The following CSMD3 variants were observed in gnomAD, a reference collection of about 807,000 sequenced individuals.
CSMD3 encodes the protein CUB and Sushi multiple domains 3.
CSMD3 carries 177 observed loss-of-function variants against 435.2 expected under a neutral mutation model. The ratio of observed to expected loss-of-function variants is 0.41; its 90% CI spans 0.36 to 0.46. CSMD3 has a LOEUF of 0.46. Among genes scored for constraint, CSMD3 ranks in the 20% least tolerant of loss-of-function variants. CSMD3 has a pLI of 0.34. For missense variants in CSMD3, 4,265 were observed against 4,504.6 expected (o/e 0.95, Z 1.52); for synonymous variants, 1,656 against 1,520.5 (o/e 1.09, Z -2.07).
rs577167358 is a variant in CSMD3 at position 112,958,266 on chromosome 8, G to T, written c.1343-3505C>A. 1.1e-4 allele frequency among the ~76,000 whole-genome samples: 16 copies of T among 152,184 alleles called. No individual in the cohort carries two copies. The South Asian group carries it at 3.1e-3, about 30-fold the overall frequency. Reference sequence around the variant, plus strand: ...CAAGATTGATAGGCATATGCACAAAGATTCATTTTCTTTTCTTTCATATGC... The same window carrying T: ...CAAGATTGATAGGCATATGCACAAATATTCATTTTCTTTTCTTTCATATGC... On this transcript the variant is annotated intron_variant, in intron 7 of 70. Coordinates refer to ENST00000297405, the MANE Select transcript of CSMD3 (RefSeq NM_198123.2).
chr8:112,521,830 T>TA (rs1397470126), intron 27 of CSMD3, among the ~76,000 whole-genome samples: 2 of 151,876 alleles, frequency 1.3e-5, no homozygotes, highest in African/African-American at 2.4e-5. Flanking sequence ...AGTAAAAATG[T>TA]AAAAAATAAG....
intron 22 of CSMD3, among the ~76,000 whole-genome samples, chr8:112,616,874 T>A (rs908464778): frequency 2.0e-5 from 3 of 152,160 alleles, no homozygotes; most frequent in Admixed American, 6.6e-5. Flanking sequence ...TTTTAAAGGC[T>A]TATATAGAAG....
chr8:112,467,846 G>A (rs1818115957), intron 32 of CSMD3, among the ~76,000 whole-genome samples: 1 of 152,112 alleles, frequency 6.6e-6, no homozygotes, highest in Admixed American at 6.6e-5. Context: ...CCAGAAACTA[G>A]GAAGAAGCAA....
At chr8:112,988,765 C>T (rs2085343748) in intron 6 of CSMD3, among the ~76,000 whole-genome samples, 1 of 151,996 alleles carries the variant, frequency 6.6e-6, no homozygotes, top group African/African-American at 2.4e-5. Flanking sequence ...AGGACATTTA[C>T]ACCAGAGACT....
At chr8:112,708,980 T>A (rs2076555651) in intron 13 of CSMD3, among the ~76,000 whole-genome samples, 1 of 152,036 alleles carries the variant, frequency 6.6e-6, no homozygotes, top group Non-Finnish European at 1.5e-5. Context: ...AATAAAGTTT[T>A]CCCATTCTCT....
intron 57 of CSMD3, among the ~76,000 whole-genome samples, 183 bp from the exon 58 acceptor site, chr8:112,287,429 G>T (rs1586659394): frequency 6.6e-6 from 1 of 151,886 alleles, no homozygotes; most frequent in Non-Finnish European, 1.5e-5. Flanking sequence ...AAATGAAAAA[G>T]AAAATAGTTG....
intron 31 of CSMD3, among the ~76,000 whole-genome samples, chr8:112,491,237 A>AC (rs1399471012): frequency 6.6e-6 from 1 of 152,190 alleles, no homozygotes; most frequent in Non-Finnish European, 1.5e-5. Flanking sequence ...AATAGTAAAA[A>AC]ATGCAATTTA....
At chr8:112,957,902 C>T (rs1304240222) in intron 7 of CSMD3, among the ~76,000 whole-genome samples, 2 of 151,718 alleles carry the variant, frequency 1.3e-5, no homozygotes, top group South Asian at 2.1e-4. Flanking sequence ...CGCACCACCG[C>T]GCCCAGATAT....
In CSMD3 at chr8:113,122,815, G is replaced by GT. The variant is rs2091021997; in HGVS notation, c.710-23853_710-23852insA. Among the ~76,000 whole-genome samples, 3 of 152,138 alleles carry GT rather than the reference G, an allele frequency of 2.0e-5. No homozygotes were observed. The South Asian group carries it at 6.2e-4, about 32-fold the overall frequency. ...GTAAGATAAGTTTTTGTTGTTTTAA[G>GT]ACACTGTATTTGTGGTAATTTGTTA... On this transcript the variant is annotated intron_variant, in intron 4 of 70. Transcript: ENST00000297405.
chr8:112,990,341 T>A (rs1410016184), intron 6 of CSMD3, among the ~76,000 whole-genome samples: 2 of 151,976 alleles, frequency 1.3e-5, no homozygotes, highest in Non-Finnish European at 2.9e-5. Context: ...CAAAAAAGCA[T>A]CTTGCCAACA....
At chr8:113,246,402 A>G (rs1403690919) in intron 3 of CSMD3, among the ~76,000 whole-genome samples, 1 of 152,050 alleles carries the variant, frequency 6.6e-6, no homozygotes, top group Admixed American at 6.6e-5. Flanking sequence ...TTTCAACTCT[A>G]GAATTTCTAT....
At chr8:112,631,074 A>T (rs2074502066) in intron 22 of CSMD3, among the ~76,000 whole-genome samples, 1 of 152,024 alleles carries the variant, frequency 6.6e-6, no homozygotes, top group Admixed American at 6.6e-5. Context: ...CCAGGATGAA[A>T]AATTAGAGAA....
chr8:112,541,721 C>G (rs922132669), intron 27 of CSMD3, among the ~76,000 whole-genome samples: 5 of 151,702 alleles, frequency 3.3e-5, no homozygotes, highest in Non-Finnish European at 5.9e-5. Context: ...CCACCAACCC[C>G]CGCAAATTGA....
chr8:113,385,702 G>A (rs1014292502), intron 1 of CSMD3, among the ~76,000 whole-genome samples: 1 of 152,052 alleles, frequency 6.6e-6, no homozygotes, highest in African/African-American at 2.4e-5. Context: ...ATGGAAGAGG[G>A]TAAAATCTCC....
At chr8:112,226,989 CT>C (rs1313734535) in intron 70 of CSMD3, among the ~76,000 whole-genome samples, 1 of 152,164 alleles carries the variant, frequency 6.6e-6, no homozygotes, top group Non-Finnish European at 1.5e-5. Flanking sequence ...GAAAATGCTG[CT>C]GCTGCTGTAC....
intron 1 of CSMD3, among the ~76,000 whole-genome samples, chr8:113,363,861 T>A (rs1179213214): frequency 6.6e-6 from 1 of 152,152 alleles, no homozygotes; most frequent in Non-Finnish European, 1.5e-5. Flanking sequence ...GATCAGAATG[T>A]TTTTAATTTT....
chr8:112,853,603 T>C (rs1397234913), intron 11 of CSMD3, among the ~76,000 whole-genome samples: 1 of 152,222 alleles, frequency 6.6e-6, no homozygotes, highest in Non-Finnish European at 1.5e-5. Context: ...TGGTTTCAAA[T>C]AACATCTATA....
chr8:112,893,078 CAACTACTACTACTACTACAA>C lies in CSMD3; in HGVS notation c.1633+28529_1633+28548del, dbSNP rs967298655. 6.0e-5 allele frequency among the ~76,000 whole-genome samples: 9 copies of C among 151,220 alleles called. No homozygotes were observed. The East Asian group carries it at 1.2e-3, about 20-fold the overall frequency. The stretch of plus-strand genomic sequence containing the variant: ...GCTACTACTACTACTATAACAACAA[CAACTACTACTACTACTACAA>C]AACTACTACTACTACTACAACTACT... On this transcript the variant is annotated intron_variant, in intron 10 of 70. Transcript: ENST00000297405.
intron 1 of CSMD3, among the ~76,000 whole-genome samples, chr8:113,347,402 T>G (rs747757473): frequency 6.6e-6 from 1 of 152,158 alleles, no homozygotes; most frequent in African/African-American, 2.4e-5. Flanking sequence ...TTAGAAGGAA[T>G]AATACATTGA....
Sources: gnomAD v4.1 joint callset for allele counts (sites outside exome capture counted in the v4.1 genomes callset) on GRCh38, gnomAD v4.1.1 for gene constraint, MANE v1.5 for transcripts, NCBI Gene and HGNC (gene_info 2026-07-23, HGNC 2026-07-21) for gene names.